The following SLC14A2 variants were observed in gnomAD, a reference collection of about 807,000 sequenced individuals.
SLC14A2 encodes the protein solute carrier family 14 member 2, also known as urea transporter 2.
In SLC14A2, 91 loss-of-function variants were observed where a neutral mutation model predicts 104.6. The observed-to-expected ratio is 0.87, with a 90% confidence interval of 0.73 to 1.04. SLC14A2 has a LOEUF of 1.04. SLC14A2 is among the 50% of genes least tolerant of loss of function. SLC14A2 has a pLI of 0.00. For synonymous variants in SLC14A2, 476 were observed against 466.4 expected, an observed-to-expected ratio of 1.02 and a Z score of -0.27; for missense variants, 1,189 against 1,156.0, an observed-to-expected ratio of 1.03 and a Z score of -0.41.
chr18:45,673,033 T>C lies in SLC14A2; in HGVS notation c.2363T>C (p.Met788Thr). Residue 788 changes from methionine (M) to threonine (T), a missense_variant, in exon 17 of 20, where the codon ATG becomes ACG. Met to Thr is a moderately conservative substitution (Grantham distance 81, BLOSUM62 -1). Transcript: ENST00000255226. ...ICLHAAIGST[M>T]GMLAALTIAT... ...TTGCATGCAGCAATTGGATCCACCA[T>C]GGGGATGCTAGCAGGTCTGTGTCCT... 6.2e-7 allele frequency: 1 copy of C among 1,614,016 alleles called. No individual in the cohort carries two copies. Among genetic ancestry groups the C allele is most frequent in the Middle Eastern group, 1.6e-4 (1 of 6,062 alleles).
chr18:45,636,735 ATTTG>A (rs2045422084), intron 5 of SLC14A2, among the ~76,000 whole-genome samples: 1 of 152,174 alleles, frequency 6.6e-6, no homozygotes, highest in Non-Finnish European at 1.5e-5. Flanking sequence ...TATTTTTAAA[ATTTG>A]TTTCTCAGAG....
chr18:45,612,946 CTG>C (rs2044995698), upstream of SLC14A2, among the ~76,000 whole-genome samples: 1 of 152,212 alleles, frequency 6.6e-6, no homozygotes, highest in Non-Finnish European at 1.5e-5. Flanking sequence ...TCTGCCATGA[CTG>C]TAAGTTTCCT....
intron 2 of SLC14A2, chr18:45,542,205 G>A (rs988203357): frequency 4.6e-5 from 7 of 151,660 alleles, no homozygotes; most frequent in African/African-American, 1.7e-4. Flanking sequence ...ATCTCAATGG[G>A]CTTCTAATTC....
intron 2 of SLC14A2, among the ~76,000 whole-genome samples, chr18:45,583,712 G>T (rs150889333): frequency 6.8e-4 from 103 of 152,112 alleles, no homozygotes; most frequent in African/African-American, 2.4e-3. Context: ...GAAATATAAT[G>T]TCAGGAGTGA....
At chr18:45,576,272 CTTTTTTTTTTT>C (rs776335445) in intron 2 of SLC14A2, among the ~76,000 whole-genome samples, 3 of 90,698 alleles carry the variant, frequency 3.3e-5, no homozygotes, top group Non-Finnish European at 6.3e-5. Context: ...GGAGCAGGGG[CTTTTTTTTTTT>C]TTTTTTTTTT....
intron 18 of SLC14A2, among the ~76,000 whole-genome samples, chr18:45,674,506 A>C (rs1205050729): frequency 2.6e-5 from 4 of 152,126 alleles, no homozygotes; most frequent in African/African-American, 9.7e-5. Flanking sequence ...GTGACTACGA[A>C]CTCTAAACAA....
At chr18:45,219,096 CAG>C (rs2084038064) in intron 1 of SLC14A2, among the ~76,000 whole-genome samples, 1 of 152,148 alleles carries the variant, frequency 6.6e-6, no homozygotes, top group Non-Finnish European at 1.5e-5. Context: ...GCGCTGACCT[CAG>C]TGGATTGTGA....
At chr18:45,320,665 C>A (rs2085176081) in intron 1 of SLC14A2, among the ~76,000 whole-genome samples, 1 of 152,124 alleles carries the variant, frequency 6.6e-6, no homozygotes, top group South Asian at 2.1e-4. Flanking sequence ...AGCTGAAGTT[C>A]AGTTAAGGAC....
rs559302410 is a variant in SLC14A2 at position 45,666,966 on chromosome 18, T to G, written c.1589T>G (p.Ile530Arg). The G allele has an allele frequency of 6.2e-7, 1 of 1,614,038 alleles. No homozygotes were observed. The highest frequency in any genetic ancestry group is 2.2e-5 in the East Asian group (1 of 44,870). The change falls in exon 13 of 20, where the codon ATA becomes AGA. Residue 530 changes from isoleucine (I) to arginine (R), a missense_variant. By Grantham distance (97) the Ile-to-Arg change is moderately conservative. Transcript: ENST00000255226. ...DLDTMEESSE[I>R]KVETNISKTS... ...GACACCATGGAGGAGAGCTCTGAGATAAAAGTGGAAACAAACATTTCCAAG... is the reference window on the plus strand; with the variant it reads ...GACACCATGGAGGAGAGCTCTGAGAGAAAAGTGGAAACAAACATTTCCAAG...
At chr18:45,222,663 A>T (rs2084074513) in intron 1 of SLC14A2, among the ~76,000 whole-genome samples, 1 of 149,046 alleles carries the variant, frequency 6.7e-6, no homozygotes, top group South Asian at 2.1e-4. Context: ...AGAAAAGCTT[A>T]TTCAAGGAAG....
chr18:45,503,441 GACTA>G (rs1392505504), intron 2 of SLC14A2, among the ~76,000 whole-genome samples: 5 of 152,262 alleles, frequency 3.3e-5, no homozygotes, highest in African/African-American at 9.6e-5. Context: ...ACACCAACGT[GACTA>G]ACTCAGTGTC....
chr18:45,193,382 T>G, the SLC14A2 span, among the ~76,000 whole-genome samples: 2 of 152,246 alleles, frequency 1.3e-5, no homozygotes, highest in African/African-American at 4.8e-5. Flanking sequence ...CATTTATAAT[T>G]CTTTTTGCTT....
chr18:45,325,218 G>C (rs1175493410), intron 1 of SLC14A2, among the ~76,000 whole-genome samples: 1 of 152,210 alleles, frequency 6.6e-6, no homozygotes, highest in African/African-American at 2.4e-5. Flanking sequence ...GTGAGTCTCA[G>C]CTTCTGAGGA....
chr18:45,646,291 G>A (rs967653730), intron 10 of SLC14A2: 1 of 152,176 alleles, frequency 6.6e-6, no homozygotes, highest in Non-Finnish European at 1.5e-5. Context: ...GAATCCCAAC[G>A]TTTGAAGGGA....
chr18:45,681,873 C>T (rs2046314043), intron 19 of SLC14A2, among the ~76,000 whole-genome samples: 1 of 152,226 alleles, frequency 6.6e-6, no homozygotes, highest in Non-Finnish European at 1.5e-5. Context: ...GGGTGCCTAT[C>T]TCTAGTCCAA....
chr18:45,536,037 A>G (rs2043775563), intron 2 of SLC14A2, among the ~76,000 whole-genome samples: 1 of 152,240 alleles, frequency 6.6e-6, no homozygotes, highest in Admixed American at 6.5e-5. Context: ...CAGATGTTCT[A>G]GAGTTTTAAC....
chr18:45,198,259 A>T, the SLC14A2 span, among the ~76,000 whole-genome samples: 1 of 152,160 alleles, frequency 6.6e-6, no homozygotes, highest in Non-Finnish European at 1.5e-5. Context: ...CTAATTAATA[A>T]TCATGAATAT....
intron 1 of SLC14A2, among the ~76,000 whole-genome samples, chr18:45,257,123 T>G (rs1434223692): frequency 1.3e-5 from 2 of 152,244 alleles, no homozygotes; most frequent in Admixed American, 1.3e-4. Flanking sequence ...AGGACCCATG[T>G]GAAAGAGTGA....
intron 2 of SLC14A2, among the ~76,000 whole-genome samples, chr18:45,549,343 A>G (rs1189195496): frequency 1.3e-5 from 2 of 152,238 alleles, no homozygotes; most frequent in Admixed American, 6.5e-5. Flanking sequence ...TGCTACCAGC[A>G]TGGCAGGGCC....
Sources: gnomAD v4.1 joint callset for allele counts (sites outside exome capture counted in the v4.1 genomes callset) on GRCh38, gnomAD v4.1.1 for gene constraint, MANE v1.5 for transcripts, NCBI Gene and HGNC (gene_info 2026-07-23, HGNC 2026-07-21) for gene names.